Variants in ASGR2 observed in about 807,000 individuals in gnomAD.
ASGR2 encodes asialoglycoprotein receptor 2, also known as C-type lectin domain family 4 member H2.
ASGR2 carries 34 observed loss-of-function variants against 32.3 expected under a neutral mutation model. The ratio of observed to expected loss-of-function variants is 1.05; its 90% CI spans 0.80 to 1.40. ASGR2 has a LOEUF of 1.40. ASGR2 is among the 40% of genes most tolerant of loss of function. The pLI, the probability that ASGR2 is intolerant of heterozygous loss-of-function variation, is 0.00. For synonymous variants in ASGR2, 143 were observed against 150.0 expected, an observed-to-expected ratio of 0.95 and a Z score of 0.34; for missense variants, 385 against 386.4, an observed-to-expected ratio of 1.00 and a Z score of 0.03.
intron 2 of ASGR2, among the ~76,000 whole-genome samples, chr17:7,110,531 G>A (rs1166726688): frequency 6.6e-6 from 1 of 152,254 alleles, no homozygotes; most frequent in Non-Finnish European, 1.5e-5. Context: ...CTGCCCACAG[G>A]GTAGCCCAGC....
At chr17:7,102,265 A>AGGG in intron 7 of ASGR2, 69 bp from the exon 8 acceptor site, 10 of 1,349,342 alleles carry the variant, frequency 7.4e-6, no homozygotes, top group Non-Finnish European at 1.1e-5. Flanking sequence ...GCAGGCATGG[A>AGGG]ACTGTGGCCC....
In ASGR2 at chr17:7,101,334, T is replaced by G; in HGVS notation, c.*241A>C. 3 of 472,452 alleles carry G rather than the reference T, an allele frequency of 6.3e-6. No individual in the cohort carries two copies. Among genetic ancestry groups the G allele is most frequent in the East Asian group, 3.5e-5 (1 of 28,332 alleles). The allele number at this position is 472,452 out of a possible 1,614,324, so 29.3% of individuals were successfully genotyped here. A position where few individuals can be genotyped will look rare whatever the true frequency, so the allele number is the denominator to read the frequency against. On this transcript the variant is annotated 3_prime_UTR_variant, in exon 9 of 9. Transcript: ENST00000691900. ...ACCAGGCCACACAGAGATTCAAGCA[T>G]TTGTTTCTTCTTTCCTACGCCATTG...
Position 7,107,527 on chromosome 17 carries a change from A to G in ASGR2, c.410-210T>C. 5 of 647,170 alleles carry G rather than the reference A, an allele frequency of 7.7e-6. No homozygotes were observed. The highest frequency in any genetic ancestry group is 2.6e-5 in the Admixed American group (1 of 39,194). The allele number at this position is 647,170 out of a possible 1,614,324, so 40.1% of individuals were successfully genotyped here. A position where few individuals can be genotyped will look rare whatever the true frequency, so the allele number is the denominator to read the frequency against. ...ATCACACACACACAAACACACCAAG[A>G]GACACACCACACACATCACATGCGT... On this transcript the variant is annotated intron_variant, in intron 5 of 8. Transcript: ENST00000691900. This position sits in a 1 kb window ranked among gnomAD's most constrained non-coding sequence, Gnocchi z 5.0.
chr17:7,101,779 G>T, intron 8 of ASGR2, 39 bp from the exon 9 acceptor site: 3 of 1,598,970 alleles, frequency 1.9e-6, no homozygotes, highest in Non-Finnish European at 2.6e-6. Flanking sequence ...TGCCACGGTG[G>T]TGAGAAAGCG....
At chr17:7,106,114 C>G (rs1395786811) in intron 7 of ASGR2, among the ~76,000 whole-genome samples, 1 of 152,052 alleles carries the variant, frequency 6.6e-6, no homozygotes, top group Non-Finnish European at 1.5e-5. Flanking sequence ...GGGCGAGATC[C>G]AGGAGTCGAT....
chr17:7,102,834 C>A (rs562644442), intron 7 of ASGR2, among the ~76,000 whole-genome samples: 2 of 152,148 alleles, frequency 1.3e-5, no homozygotes, highest in Non-Finnish European at 2.9e-5. Context: ...GATCTAGCTA[C>A]GTGGAGTCTG....
intron 7 of ASGR2, among the ~76,000 whole-genome samples, chr17:7,104,476 A>T (rs1913338553): frequency 6.6e-6 from 1 of 151,594 alleles, no homozygotes; most frequent in African/African-American, 2.4e-5. Context: ...ACATGGTGAA[A>T]CCTTGTCTCT....
At chr17:7,104,450 A>G (rs113631203) in intron 7 of ASGR2, among the ~76,000 whole-genome samples, 17,615 of 151,292 alleles carry the variant, frequency 0.12, 1,311 homozygotes, top group African/African-American at 0.21. Context: ...TCAGGAGTTC[A>G]AGACCAGCCT....
In ASGR2 at chr17:7,107,351, G is replaced by T; in HGVS notation, c.410-34C>A. On this transcript the variant is annotated intron_variant, in intron 5 of 8. Transcript: ENST00000691900. The surrounding 1 kb of genome is among the most constrained non-coding windows in gnomAD (Gnocchi z 5.0). Reference sequence around the variant, plus strand: ...GACAGGCTGAAAGTGCTGCCGGCAGGTGTGGTCCCCACCTGCTAGGCTCCA... The same window carrying T: ...GACAGGCTGAAAGTGCTGCCGGCAGTTGTGGTCCCCACCTGCTAGGCTCCA... The T allele has an allele frequency of 1.2e-6, 2 of 1,604,422 alleles. No individual in the cohort carries two copies. The highest frequency in any genetic ancestry group is 8.5e-7 in the Non-Finnish European group (1 of 1,177,776).
intron 2 of ASGR2, among the ~76,000 whole-genome samples, chr17:7,110,969 G>A (rs1914545373): frequency 6.6e-6 from 1 of 152,210 alleles, no homozygotes; most frequent in South Asian, 2.1e-4. Flanking sequence ...TTGAGGAGAT[G>A]GAGCTGAGAG....
chr17:7,107,415 A>G lies in ASGR2; in HGVS notation c.410-98T>C. On this transcript the variant is annotated intron_variant, in intron 5 of 8. Transcript: ENST00000691900. This position sits in a 1 kb window ranked among gnomAD's most constrained non-coding sequence, Gnocchi z 5.0. ...GAAGCATATACACCCACAGACACGT[A>G]CACCATGCATAGACCACACCACACA... 1 of 1,261,898 alleles carries G rather than the reference A, an allele frequency of 7.9e-7. No homozygotes were observed. The highest frequency in any genetic ancestry group is 1.1e-6 in the Non-Finnish European group (1 of 893,514). The allele number at this position is 1,261,898 out of a possible 1,614,324, so 78.2% of individuals were successfully genotyped here.
chr17:7,114,542 C>A lies in ASGR2; in HGVS notation c.-71+73G>T. On this transcript the variant is annotated intron_variant, in intron 1 of 8. Transcript: ENST00000691900. The surrounding 1 kb of genome is among the most constrained non-coding windows in gnomAD (Gnocchi z 4.5). The stretch of plus-strand genomic sequence containing the variant: ...ACCACCCACAGCTTCCCATGGGGTC[C>A]TCCCCATCCCTGAACCAAGGCCTCC... 1 of 1,179,006 alleles carries A rather than the reference C, an allele frequency of 8.5e-7. No homozygotes were observed. Among genetic ancestry groups the A allele is most frequent in the Non-Finnish European group, 1.1e-6 (1 of 947,142 alleles). 73.0% of individuals were successfully genotyped at this position (1,179,006 alleles called of 1,614,324 possible).
At chr17:7,109,030 C>T (rs927452098) in intron 2 of ASGR2, 142 bp from the exon 3 acceptor site, 17 of 861,454 alleles carry the variant, frequency 2.0e-5, no homozygotes, top group Admixed American at 7.3e-5. Context: ...AGGCTTTGAC[C>T]CCAGCATTTG....
At position 7,111,438 on chromosome 17, in the gene ASGR2, T is replaced by C. The variant is rs377742263; in HGVS notation, c.125-2550A>G. 3.0e-3 allele frequency among the ~76,000 whole-genome samples: 451 copies of C among 151,612 alleles called. 1 individual carries two copies. Among genetic ancestry groups the C allele is most frequent in the African/African-American group, 7.7e-3 (318 of 41,332 alleles). The stretch of plus-strand genomic sequence containing the variant: ...GTGGGAGGCCAAGGCGGGCAGATCA[T>C]GAGGTCAGGAGATCGACACCATCCT... On this transcript the variant is annotated intron_variant, in intron 2 of 8. Transcript: ENST00000691900.
In ASGR2 at chr17:7,113,546, CAT is replaced by C. The variant is rs1044060597; in HGVS notation, c.124+569_124+570del. On this transcript the variant is annotated intron_variant, in intron 2 of 8. Coordinates refer to ENST00000691900, the MANE Select transcript of ASGR2 (RefSeq NM_001201352.2). This position sits in a 1 kb window ranked among gnomAD's most constrained non-coding sequence, Gnocchi z 5.1. ...ACAACATACACACACTCATACACAACATACATACACACAACATACACACAACA... is the reference window on the plus strand; with the variant it reads ...ACAACATACACACACTCATACACAACACATACACACAACATACACACAACA... Among the ~76,000 whole-genome samples the C allele has an allele frequency of 1.4e-3, 143 of 100,538 alleles. No homozygotes were observed. Among genetic ancestry groups the C allele is most frequent in the African/African-American group, 2.3e-3 (65 of 28,084 alleles). 66.0% of individuals were successfully genotyped at this position (100,538 alleles called of 152,430 possible). A position where few individuals can be genotyped will look rare whatever the true frequency, so the allele number is the denominator to read the frequency against.
At position 7,102,187 on chromosome 17, in the gene ASGR2, C is replaced by T; in HGVS notation, c.658G>A (p.Val220Ile). 2.5e-6 allele frequency: 4 copies of T among 1,613,860 alleles called. No individual in the cohort carries two copies. The highest frequency in any genetic ancestry group is 3.4e-6 in the Non-Finnish European group (4 of 1,179,750). ...GTATTGAAGGGGTTCGTGTGTTGTA[C>T]AATGAATTTCTGGAAACACAGGCAA... ...INSWEEQKFI[V>I]QHTNPFNTWI... Residue 220 changes from valine to isoleucine, a missense_variant, in exon 8 of 9, where the codon GTA (valine) becomes ATA (isoleucine). Transcript: ENST00000691900.
At position 7,113,349 on chromosome 17, in the gene ASGR2, A is replaced by G. The variant is rs1052810728; in HGVS notation, c.124+768T>C. Among the ~76,000 whole-genome samples the G allele has an allele frequency of 2.0e-5, 3 of 150,900 alleles. No homozygotes were observed. The highest frequency in any genetic ancestry group is 4.4e-5 in the Non-Finnish European group (3 of 67,670). ...ACTAACACACACACTCACGCAACAC[A>G]CTCACACACACAACATACATAACAC... On this transcript the variant is annotated intron_variant, in intron 2 of 8. Transcript: ENST00000691900. The surrounding 1 kb of genome is among the most constrained non-coding windows in gnomAD (Gnocchi z 5.1).
At position 7,114,128 on chromosome 17, in the gene ASGR2, G is replaced by A. The variant is rs1171026343; in HGVS notation, c.113C>T (p.Pro38Leu). Residue 38 changes from proline to leucine, a missense_variant, in exon 2 of 9, where the codon CCA becomes CTA. By Grantham distance (98) the Pro-to-Leu change is moderately conservative (BLOSUM62 -3). Coordinates refer to ENST00000691900, the MANE Select transcript of ASGR2 (RefSeq NM_001201352.2). This position sits in a 1 kb window ranked among gnomAD's most constrained non-coding sequence, Gnocchi z 4.5. The stretch of plus-strand genomic sequence containing the variant: ...AACTGCACACTTGCCTTTCAAAAAT[G>A]GATTTCCTCTCCTGGGATTCAGCCT... ...TRRLNPRRGN[P>L]FLKGPPPAQP... 6.2e-7 allele frequency: 1 copy of A among 1,614,224 alleles called. No individual in the cohort carries two copies. The highest frequency in any genetic ancestry group is 8.5e-7 in the Non-Finnish European group (1 of 1,180,038).
chr17:7,113,336 AC>A lies in ASGR2; in HGVS notation c.124+780del, dbSNP rs1358705459. ...ATCACATACACACACTAACACACACACTCACGCAACACACTCACACACACAA... is the reference window on the plus strand; with the variant it reads ...ATCACATACACACACTAACACACACATCACGCAACACACTCACACACACAA... On this transcript the variant is annotated intron_variant, in intron 2 of 8. Transcript: ENST00000691900. The surrounding 1 kb of genome is among the most constrained non-coding windows in gnomAD (Gnocchi z 5.1). 5.0e-4 allele frequency among the ~76,000 whole-genome samples: 53 copies of A among 105,082 alleles called. No homozygotes were observed. Among genetic ancestry groups the A allele is most frequent in the Non-Finnish European group, 1.1e-3 (45 of 41,056 alleles). 68.9% of individuals were successfully genotyped at this position (105,082 alleles called of 152,430 possible).
Sources: allele counts gnomAD v4.1 joint callset (sites outside exome capture counted in the v4.1 genomes callset), GRCh38; gene constraint gnomAD v4.1.1; non-coding constraint Gnocchi (gnomAD v3.1); transcripts MANE v1.5; gene names NCBI Gene and HGNC (gene_info 2026-07-23, HGNC 2026-07-21).